RTL4: variants seen among roughly 807,000 people sequenced by gnomAD.
The protein encoded by RTL4 is retrotransposon Gag-like protein 4.
In RTL4, 4 loss-of-function variants were observed where a neutral mutation model predicts 5.3. That is an observed-to-expected ratio of 0.75 (90% CI 0.37 to 1.72). The LOEUF is 1.72. Ranked by LOEUF, RTL4 falls within the 40% of genes most tolerant of loss-of-function variation. The pLI is 0.04. For missense variants in RTL4, 260 were observed against 227.1 expected (o/e 1.14, Z -0.93); for synonymous variants, 98 against 87.3 (o/e 1.12, Z -0.68).
exon 1 of RTL4, chrX:112,455,673 G>T: frequency 8.5e-7 from 1 of 1,179,751 alleles, no homozygotes; most frequent in Non-Finnish European, 1.1e-6. Context: ...AGGAGACCAG[G>T]AAAGTCACTT....
At chrX:112,226,785 G>A in the RTL4 span, among the ~76,000 whole-genome samples, 136 of 107,739 alleles carry the variant, frequency 1.3e-3, no homozygotes, top group African/African-American at 4.1e-3. Context: ...CAAAGGTACA[G>A]CCTAGCCAGG....
At chrX:112,399,151 C>T in the RTL4 span, among the ~76,000 whole-genome samples, 1 of 111,801 alleles carries the variant, frequency 8.9e-6, no homozygotes, top group Non-Finnish European at 1.9e-5. Flanking sequence ...AGTAATGTTG[C>T]CACTCTCATT....
the RTL4 span, among the ~76,000 whole-genome samples, chrX:112,103,775 C>T: frequency 1.8e-5 from 2 of 110,119 alleles, no homozygotes; most frequent in Non-Finnish European, 3.8e-5. Flanking sequence ...TTTAAATATA[C>T]AGGTAAAATT....
At chrX:112,358,927 C>T in the RTL4 span, among the ~76,000 whole-genome samples, 15 of 111,357 alleles carry the variant, frequency 1.3e-4, no homozygotes, top group South Asian at 7.5e-4. Flanking sequence ...ATAGAATCAA[C>T]GCCGTCCAAA....
At chrX:112,120,533 C>T in the RTL4 span, among the ~76,000 whole-genome samples, 4 of 109,133 alleles carry the variant, frequency 3.7e-5, no homozygotes, top group African/African-American at 1.3e-4. Flanking sequence ...ACCTTGGCCT[C>T]CCAAAGTTCT....
At chrX:112,397,746 T>G in the RTL4 span, among the ~76,000 whole-genome samples, 1 of 112,204 alleles carries the variant, frequency 8.9e-6, no homozygotes, top group East Asian at 2.8e-4. Context: ...TTTTATACCT[T>G]TAGTCATATT....
At chrX:112,454,770 G>A in exon 1 of RTL4, 1 of 1,203,921 alleles carries the variant, frequency 8.3e-7, no homozygotes. Context: ...TGCAGGTAGA[G>A]CCTTCCTTTC....
the RTL4 span, among the ~76,000 whole-genome samples, chrX:112,397,581 T>C: frequency 4.5e-5 from 5 of 112,132 alleles, no homozygotes; most frequent in African/African-American, 6.5e-5. Context: ...TATAGATCAG[T>C]GAGAAGAAAA....
chrX:112,196,512 T>C, the RTL4 span, among the ~76,000 whole-genome samples: 6 of 111,995 alleles, frequency 5.4e-5, no homozygotes, highest in Admixed American at 4.7e-4. Flanking sequence ...AGGAGTGCAA[T>C]TGCTGGATCA....
the RTL4 span, among the ~76,000 whole-genome samples, chrX:112,305,342 TTTTA>T: frequency 9.4e-6 from 1 of 106,741 alleles, no homozygotes; most frequent in African/African-American, 3.4e-5. Flanking sequence ...TTTTATTTTA[TTTTA>T]TTTTATTTTA....
the RTL4 span, among the ~76,000 whole-genome samples, chrX:112,407,604 C>T: frequency 8.9e-6 from 1 of 112,630 alleles, no homozygotes; most frequent in Admixed American, 9.3e-5. Context: ...AGGAAACAAG[C>T]CTTACTGTCT....
At chrX:112,356,696 C>T in the RTL4 span, among the ~76,000 whole-genome samples, 1 of 110,671 alleles carries the variant, frequency 9.0e-6, no homozygotes, top group Non-Finnish European at 1.9e-5. Context: ...TGCTTCTCAG[C>T]TTTCCTATAA....
At chrX:112,221,934 GT>G in the RTL4 span, among the ~76,000 whole-genome samples, 4 of 112,389 alleles carry the variant, frequency 3.6e-5, no homozygotes, top group African/African-American at 9.7e-5. Context: ...TGTTTTCACT[GT>G]GTTGTAGACA....
At chrX:112,162,842 C>A in the RTL4 span, among the ~76,000 whole-genome samples, 5 of 109,859 alleles carry the variant, frequency 4.6e-5, no homozygotes, top group South Asian at 1.6e-3. Context: ...GATCCTAAGG[C>A]GGGTAGTCTT....
At chrX:112,098,110 T>G in the RTL4 span, among the ~76,000 whole-genome samples, 1 of 48,305 alleles carries the variant, frequency 2.1e-5, no homozygotes, top group Non-Finnish European at 3.8e-5. Flanking sequence ...CTCTCCCCCC[T>G]CCCCCCACCC....
the RTL4 span, among the ~76,000 whole-genome samples, chrX:112,128,478 G>A: frequency 9.1e-6 from 1 of 110,167 alleles, no homozygotes; most frequent in Non-Finnish European, 1.9e-5. Flanking sequence ...GGCCAACATG[G>A]TGAAACCCTG....
the RTL4 span, among the ~76,000 whole-genome samples, chrX:112,383,146 G>A: frequency 8.9e-6 from 1 of 111,771 alleles, no homozygotes; most frequent in Non-Finnish European, 1.9e-5. Context: ...AGTATCTTTT[G>A]TAATTAATGT....
the RTL4 span, among the ~76,000 whole-genome samples, chrX:112,262,601 G>T: frequency 3.6e-5 from 4 of 112,176 alleles, no homozygotes; most frequent in African/African-American, 1.3e-4. Context: ...TGGTGGGACT[G>T]TAAACTAGTT....
chrX:112,331,300 C>G, the RTL4 span, among the ~76,000 whole-genome samples: 6 of 107,233 alleles, frequency 5.6e-5, no homozygotes, highest in African/African-American at 1.7e-4. Context: ...TGAACTCCAA[C>G]AAATTTACAA....
Sources: allele counts gnomAD v4.1 joint callset (sites outside exome capture counted in the v4.1 genomes callset), GRCh38; gene constraint gnomAD v4.1.1; transcripts MANE v1.5; gene names NCBI Gene and HGNC (gene_info 2026-07-23, HGNC 2026-07-21).